The following IMMT variants were observed in gnomAD, a reference collection of about 807,000 sequenced individuals.
IMMT encodes MICOS complex subunit MIC60.
Under a neutral mutation model 92.7 loss-of-function variants are expected in IMMT, and 40 were observed. That is an observed-to-expected ratio of 0.43 (90% CI 0.34 to 0.56). The LOEUF (loss-of-function observed/expected upper bound fraction) is 0.56, where lower values mean the gene tolerates loss of function less well. Among genes scored for constraint, IMMT ranks in the 20% least tolerant of loss-of-function variants. IMMT has a pLI of 0.03. For missense variants in IMMT, 831 were observed against 912.1 expected (o/e 0.91, Z 1.14); for synonymous variants, 322 against 336.1 (o/e 0.96, Z 0.46).
chr2:86,170,475 G>A (rs1168516449), intron 6 of IMMT, among the ~76,000 whole-genome samples: 1 of 152,126 alleles, frequency 6.6e-6, no homozygotes, highest in Admixed American at 6.5e-5. Context: ...ATCAATTTCT[G>A]TTTCCCAGAG....
intron 1 of IMMT, chr2:86,193,020 T>A (rs1017732635): frequency 6.5e-6 from 1 of 153,688 alleles, no homozygotes; most frequent in Non-Finnish European, 1.5e-5. Context: ...TTAAAAAGCC[T>A]TTTACTAAAT....
Position 86,146,072 on chromosome 2 carries a change from A to T in IMMT, c.1659T>A (p.Val553=). Residue 553 remains valine (V), a synonymous_variant, in exon 14 of 15, where the codon GTT becomes GTA. Transcript: ENST00000410111. ...ATAAACATAGCTTATGCTTACTCTG[A>T]ACAGCCTGTTCGATTCCTCTGAGTC... is the stretch of plus-strand genomic sequence containing the variant. ...YARLRGIEQA[V]QSHAVAEEEA... is the part of the protein sequence containing the mutation. 1 of 1,577,114 alleles carries T rather than the reference A, an allele frequency of 6.3e-7. No individual in the cohort carries two copies. The highest frequency in any genetic ancestry group is 8.6e-7 in the Non-Finnish European group (1 of 1,156,568).
chr2:86,184,703 C>A (rs956034291), intron 1 of IMMT, among the ~76,000 whole-genome samples: 6 of 150,358 alleles, frequency 4.0e-5, no homozygotes, highest in Non-Finnish European at 7.4e-5. Context: ...GCCTAATGGC[C>A]TTCCAGAGCC....
chr2:86,160,106 T>TCAA, intron 8 of IMMT: 1 of 152,934 alleles, frequency 6.5e-6, no homozygotes, highest in Non-Finnish European at 1.5e-5. Flanking sequence ...GAGGCTTTTC[T>TCAA]CATCAACAAC....
chr2:86,158,464 C>T (rs779978993), intron 10 of IMMT, 128 bp downstream of exon 10: 4 of 674,666 alleles, frequency 5.9e-6, no homozygotes, highest in Non-Finnish European at 9.8e-6. Flanking sequence ...TAAAATAAAA[C>T]GCTGTAACAA....
At chr2:86,159,230 C>G (rs1044608557) in intron 9 of IMMT, 6 of 378,180 alleles carry the variant, frequency 1.6e-5, no homozygotes, top group Non-Finnish European at 3.0e-5. Flanking sequence ...GGACTACAGG[C>G]GCACACCACC....
At chr2:86,158,488 T>C (rs1558818558) in intron 10 of IMMT, 104 bp downstream of exon 10, 3 of 890,420 alleles carry the variant, frequency 3.4e-6, no homozygotes, top group East Asian at 5.5e-5. Context: ...GAGATATGCA[T>C]GCATGCCAGA....
intron 12 of IMMT, among the ~76,000 whole-genome samples, chr2:86,149,470 C>T (rs1200219385): frequency 2.0e-5 from 3 of 152,048 alleles, no homozygotes; most frequent in Non-Finnish European, 2.9e-5. Context: ...GTGTCTGATT[C>T]GACTATGTTT....
In IMMT at chr2:86,171,235, C is replaced by G. The variant is rs1677061637; in HGVS notation, c.532G>C (p.Glu178Gln). The G allele has an allele frequency of 6.2e-7, 1 of 1,600,498 alleles. No individual in the cohort carries two copies. The highest frequency in any genetic ancestry group is 1.3e-5 in the African/African-American group (1 of 74,710). Reference protein sequence around the residue: ...SLKTDHPEIGEGKPTPALSEE... With the variant: ...SLKTDHPEIGQGKPTPALSEE... ...GAAAGTGCAGGTGTGGGTTTTCCTT[C>G]ACCAATTTCAGGGTGATCAGTTTTT... The change falls in exon 5 of 15, where the codon GAA becomes CAA. Residue 178 changes from glutamate to glutamine, a missense_variant. By Grantham distance (29) the Glu-to-Gln change is conservative. Transcript: ENST00000410111.
intron 12 of IMMT, among the ~76,000 whole-genome samples, chr2:86,150,280 AT>A (rs1180120003): frequency 2.0e-5 from 3 of 152,214 alleles, no homozygotes; most frequent in African/African-American, 7.2e-5. Context: ...TCAGGTATAG[AT>A]GGTATTTAAA....
At chr2:86,152,389 C>T (rs1002670983) in intron 11 of IMMT, among the ~76,000 whole-genome samples, 3 of 133,724 alleles carry the variant, frequency 2.2e-5, no homozygotes, top group Admixed American at 8.5e-5. Context: ...TGCAGTGAGC[C>T]GAAATTGCGC....
intron 10 of IMMT, among the ~76,000 whole-genome samples, chr2:86,157,817 A>AAG (rs1675966731): frequency 6.7e-6 from 1 of 149,136 alleles, no homozygotes; most frequent in Non-Finnish European, 1.5e-5. Context: ...AAAAAAAAAA[A>AAG]GGTACAAAAA....
At chr2:86,177,918 T>C (rs1328714809) in intron 3 of IMMT, among the ~76,000 whole-genome samples, 1 of 152,190 alleles carries the variant, frequency 6.6e-6, no homozygotes, top group East Asian at 1.9e-4. Flanking sequence ...CCATTTACCC[T>C]TGTGTGCAGC....
Position 86,172,357 on chromosome 2 carries a change from T to G in IMMT, c.422-1012A>C, listed in dbSNP as rs1022388862. Reference sequence around the variant, plus strand: ...CAGCATATGAAACAATGTTTTTTTTTGTTTGAGACAGAGTCTTGCCCTGTC... The same window carrying G: ...CAGCATATGAAACAATGTTTTTTTTGGTTTGAGACAGAGTCTTGCCCTGTC... On this transcript the variant is annotated intron_variant, in intron 4 of 14. Coordinates refer to ENST00000410111, the MANE Select transcript of IMMT (RefSeq NM_006839.3). Among the ~76,000 whole-genome samples, 3 of 151,972 alleles carry G rather than the reference T, an allele frequency of 2.0e-5. No individual in the cohort carries two copies. The South Asian group carries it at 6.2e-4, about 32-fold the overall frequency.
intron 9 of IMMT, chr2:86,159,222 A>G (rs555595099): frequency 2.5e-4 from 91 of 369,272 alleles, no homozygotes; most frequent in Non-Finnish European, 4.2e-4. Flanking sequence ...AGTAGCTAGG[A>G]CTACAGGCGC....
intron 3 of IMMT, among the ~76,000 whole-genome samples, chr2:86,178,986 C>T (rs538805320): frequency 1.3e-4 from 20 of 151,964 alleles, no homozygotes; most frequent in African/African-American, 3.4e-4. Context: ...CGCTTGAACC[C>T]GGAGGCGGAG....
At position 86,158,657 on chromosome 2, in the gene IMMT, C is replaced by T. The variant is rs372244183; in HGVS notation, c.1097G>A (p.Arg366Gln). The T allele has an allele frequency of 1.9e-5, 31 of 1,603,924 alleles. No homozygotes were observed. The highest frequency in any genetic ancestry group is 5.3e-5 in the African/African-American group (4 of 74,928). Reference sequence around the variant, plus strand: ...GTCCAGCTCTCGTTTAAAGTCATCCCGAGCTTGGACCACCAGCTCATGATA... The same window carrying T: ...GTCCAGCTCTCGTTTAAAGTCATCCTGAGCTTGGACCACCAGCTCATGATA... ...SQYHELVVQA[R>Q]DDFKRELDSI... Residue 366 changes from arginine to glutamine, a missense_variant, in exon 10 of 15, where the codon CGG becomes CAG. By Grantham distance (43) the Arg-to-Gln change is conservative. Transcript: ENST00000410111.
intron 7 of IMMT, among the ~76,000 whole-genome samples, chr2:86,163,237 T>C (rs1466428420): frequency 6.6e-6 from 1 of 152,086 alleles, no homozygotes; most frequent in Non-Finnish European, 1.5e-5. Flanking sequence ...GGAGGATCAT[T>C]TGAGCCTGGG....
chr2:86,183,605 G>A (rs1672570371), intron 1 of IMMT, among the ~76,000 whole-genome samples: 2 of 149,072 alleles, frequency 1.3e-5, no homozygotes, highest in South Asian at 4.3e-4. Flanking sequence ...GTTTAAATAT[G>A]CATAGAGTAA....
Sources: allele counts gnomAD v4.1 joint callset (sites outside exome capture counted in the v4.1 genomes callset), GRCh38; gene constraint gnomAD v4.1.1; transcripts MANE v1.5; gene names NCBI Gene and HGNC (gene_info 2026-07-23, HGNC 2026-07-21).